ZNF516: variants seen among roughly 807,000 people sequenced by gnomAD.
ZNF516 encodes zinc finger protein 516.
In ZNF516, 19 loss-of-function variants were observed where a neutral mutation model predicts 79.7. The ratio of observed to expected loss-of-function variants is 0.24; its 90% confidence interval spans 0.17 to 0.35. The LOEUF is 0.35. ZNF516 is among the 10% of genes least tolerant of loss of function. The pLI, the probability that ZNF516 is intolerant of heterozygous loss-of-function variation, is 1.00. For synonymous variants in ZNF516, 877 were observed against 739.5 expected (o/e 1.19, Z -3.02); for missense variants, 1,678 against 1,679.5 (o/e 1.00, Z 0.02).
rs2075203459 is a variant in ZNF516, at chr18:76,400,446, T to G, written c.1811-20143A>C. On this transcript the variant is annotated intron_variant, in intron 3 of 6. Coordinates refer to ENST00000443185, the MANE Select transcript of ZNF516 (RefSeq NM_014643.4). ...ACCTAAACGCCCAGAAAGTTAAAACTTCATTATTTTAGGACACTAAATAAA... is the reference window on the plus strand; with the variant it reads ...ACCTAAACGCCCAGAAAGTTAAAACGTCATTATTTTAGGACACTAAATAAA... 1.3e-5 allele frequency among the ~76,000 whole-genome samples: 2 copies of G among 152,210 alleles called. 1 individual carries two copies. The highest frequency in any genetic ancestry group is 4.1e-4 in the South Asian group (2 of 4,826).
At chr18:76,374,145 T>C (rs1317476739) in intron 4 of ZNF516, among the ~76,000 whole-genome samples, 1 of 152,248 alleles carries the variant, frequency 6.6e-6, no homozygotes, top group Non-Finnish European at 1.5e-5. Context: ...CACCACAATA[T>C]GAAGGCCTCC....
At position 76,362,115 on chromosome 18, in the gene ZNF516, C is replaced by T. The variant is rs1317707940; in HGVS notation, c.*383G>A. 1.1e-5 allele frequency: 2 copies of T among 179,898 alleles called. No individual in the cohort carries two copies. Among genetic ancestry groups the T allele is most frequent in the African/African-American group, 2.4e-5 (1 of 42,524 alleles). 11.1% of individuals were successfully genotyped at this position (179,898 alleles called of 1,614,324 possible). The stretch of plus-strand genomic sequence containing the variant: ...CAGCCTCGCCACTCTGTCCAACACA[C>T]ACAACAAGTATCTTTTTTTCCAGTG... On this transcript the variant is annotated 3_prime_UTR_variant, in exon 7 of 7. Transcript: ENST00000443185.
At chr18:76,400,280 C>T (rs949059796) in intron 3 of ZNF516, among the ~76,000 whole-genome samples, 1 of 152,138 alleles carries the variant, frequency 6.6e-6, no homozygotes. Flanking sequence ...ACGGTGTTCA[C>T]GACACAATTT....
At chr18:76,401,273 C>CA (rs1175422422) in intron 3 of ZNF516, among the ~76,000 whole-genome samples, 5 of 139,582 alleles carry the variant, frequency 3.6e-5, no homozygotes, top group Non-Finnish European at 1.5e-5. Context: ...TTTTGTGAAC[C>CA]AAAAAAAAGA....
intron 3 of ZNF516, among the ~76,000 whole-genome samples, chr18:76,398,263 G>A (rs1468503086): frequency 6.6e-6 from 1 of 152,118 alleles, no homozygotes; most frequent in Non-Finnish European, 1.5e-5. Flanking sequence ...GATCCTAACA[G>A]CCAACCAAAA....
At chr18:76,367,114 C>G (rs565119814) in intron 6 of ZNF516, among the ~76,000 whole-genome samples, 3 of 152,182 alleles carry the variant, frequency 2.0e-5, no homozygotes, top group Non-Finnish European at 4.4e-5. Context: ...ATGTTTTATC[C>G]TGCTCCTCCT....
chr18:76,471,310 G>A lies in ZNF516; in HGVS notation c.-271-8169C>T, dbSNP rs116619688. Among the ~76,000 whole-genome samples the A allele has an allele frequency of 6.0e-3, 907 of 151,230 alleles. 11 individuals carry two copies. The highest frequency in any genetic ancestry group is 0.021 in the African/African-American group (862 of 41,202). On this transcript the variant is annotated intron_variant, in intron 1 of 6. Coordinates refer to ENST00000443185, the MANE Select transcript of ZNF516 (RefSeq NM_014643.4). ...GACTTTTCTGCCTTACTTTCTTCCC[G>A]AAAAAGGTGACAGAATGGATTGCTG...
At chr18:76,382,412 G>A (rs1213664786) in intron 3 of ZNF516, among the ~76,000 whole-genome samples, 1 of 152,148 alleles carries the variant, frequency 6.6e-6, no homozygotes, top group Non-Finnish European at 1.5e-5. Context: ...TGCAGTAAAG[G>A]AATACAGATT....
intron 3 of ZNF516, among the ~76,000 whole-genome samples, chr18:76,435,950 T>C (rs1392164600): frequency 6.6e-6 from 1 of 152,254 alleles, no homozygotes; most frequent in East Asian, 1.9e-4. Flanking sequence ...AGGCCTGGCA[T>C]GGGCCACATG....
intron 3 of ZNF516, among the ~76,000 whole-genome samples, chr18:76,403,995 G>C (rs2075266969): frequency 6.6e-6 from 1 of 152,250 alleles, no homozygotes; most frequent in African/African-American, 2.4e-5. Context: ...GCCCCCACGT[G>C]GGTACCAGAG....
At position 76,379,640 on chromosome 18, in the gene ZNF516, T is replaced by C. The variant is rs1038655493; in HGVS notation, c.2474A>G (p.Lys825Arg). 1 of 1,613,662 alleles carries C rather than the reference T, an allele frequency of 6.2e-7. No individual in the cohort carries two copies. The highest frequency in any genetic ancestry group is 1.1e-5 in the South Asian group (1 of 91,086). ...RTGPPPALGG[K>R]ECQPLLLARF... Reference sequence around the variant, plus strand: ...AGCAAGGAGCAAAGGCTGGCATTCTTTGCCACCGAGGGCAGGCGGGGGGCC... The same window carrying C: ...AGCAAGGAGCAAAGGCTGGCATTCTCTGCCACCGAGGGCAGGCGGGGGGCC... Residue 825 changes from lysine (K) to arginine (R), a missense_variant, in exon 4 of 7, where the codon AAA becomes AGA. This residue lies in a region of ZNF516 where 1,294 missense variants were observed against 1,248.3 expected (regional missense o/e 1.04). Coordinates refer to ENST00000443185, the MANE Select transcript of ZNF516 (RefSeq NM_014643.4).
At chr18:76,432,938 G>A (rs2075681646) in intron 3 of ZNF516, among the ~76,000 whole-genome samples, 1 of 152,118 alleles carries the variant, frequency 6.6e-6, no homozygotes, top group Admixed American at 6.5e-5. Flanking sequence ...AGGGCCAGAA[G>A]AAGGGAAGAA....
At chr18:76,406,551 G>A (rs1441420176) in intron 3 of ZNF516, among the ~76,000 whole-genome samples, 2 of 152,104 alleles carry the variant, frequency 1.3e-5, no homozygotes, top group African/African-American at 4.8e-5. Flanking sequence ...GTGACAGAGC[G>A]AGACTCTGTC....
At chr18:76,415,318 T>C (rs901983926) in intron 3 of ZNF516, among the ~76,000 whole-genome samples, 3 of 152,240 alleles carry the variant, frequency 2.0e-5, no homozygotes, top group African/African-American at 7.2e-5. Context: ...CCCAGAGCAC[T>C]TATTCTCTGG....
At chr18:76,408,453 A>C (rs552740291) in intron 3 of ZNF516, among the ~76,000 whole-genome samples, 3 of 152,220 alleles carry the variant, frequency 2.0e-5, no homozygotes, top group Non-Finnish European at 4.4e-5. Flanking sequence ...GCAAAAATTA[A>C]GAAGAAGTGC....
chr18:76,364,249 C>T (rs1372082175), intron 6 of ZNF516, among the ~76,000 whole-genome samples: 2 of 152,152 alleles, frequency 1.3e-5, no homozygotes, highest in African/African-American at 4.8e-5. Flanking sequence ...TGTTCCAATA[C>T]CTCATTTTTT....
chr18:76,495,818 G>A, upstream of ZNF516: 3 of 1,009,996 alleles, frequency 3.0e-6, no homozygotes, highest in South Asian at 3.9e-5. Context: ...CGTAGCGTGT[G>A]CGTGTCACTC....
intron 6 of ZNF516, among the ~76,000 whole-genome samples, chr18:76,367,644 G>C (rs766381929): frequency 6.6e-6 from 1 of 152,114 alleles, no homozygotes; most frequent in Non-Finnish European, 1.5e-5. Context: ...TCTTCCAAGC[G>C]CCTCCAGCCT....
At chr18:76,391,147 G>A (rs574687752) in intron 3 of ZNF516, among the ~76,000 whole-genome samples, 78 of 152,234 alleles carry the variant, frequency 5.1e-4, no homozygotes, top group Admixed American at 4.5e-3. Flanking sequence ...GCGAGATTTC[G>A]AAAAGAAAAG....
Sources: allele counts gnomAD v4.1 joint callset (sites outside exome capture counted in the v4.1 genomes callset), GRCh38; gene constraint gnomAD v4.1.1; regional missense constraint gnomAD v4.1.1; transcripts MANE v1.5; gene names NCBI Gene and HGNC (gene_info 2026-07-23, HGNC 2026-07-21).